METTL16: variants seen among roughly 807,000 people sequenced by gnomAD.
METTL16 encodes RNA N(6)-adenosine-methyltransferase METTL16.
In METTL16, 19 loss-of-function variants were observed where a neutral mutation model predicts 57.9. The ratio of observed to expected loss-of-function variants is 0.33; its 90% CI spans 0.23 to 0.48. METTL16 has a LOEUF of 0.48. METTL16 is among the 20% of genes least tolerant of loss of function. The pLI, the probability that METTL16 is intolerant of heterozygous loss-of-function variation, is 0.99. For synonymous variants in METTL16, 246 were observed against 255.6 expected (o/e 0.96, Z 0.36); for missense variants, 434 against 691.5 (o/e 0.63, Z 4.18).
intron 6 of METTL16, chr17:2,460,170 TCTTC>T (rs1427541593): frequency 6.6e-6 from 1 of 152,164 alleles, no homozygotes; most frequent in Non-Finnish European, 1.5e-5. Context: ...TCACTTCATT[TCTTC>T]CTTTCTTTCA....
chr17:2,485,799 G>T (rs774366455), intron 2 of METTL16, among the ~76,000 whole-genome samples: 1 of 152,138 alleles, frequency 6.6e-6, no homozygotes, highest in Admixed American at 6.6e-5. Context: ...CGGAGGATAG[G>T]TATTATCCAG....
intron 6 of METTL16, among the ~76,000 whole-genome samples, chr17:2,461,217 C>A (rs941969848): frequency 6.6e-6 from 1 of 151,838 alleles, no homozygotes; most frequent in Non-Finnish European, 1.5e-5. Context: ...CTTAGCCAGG[C>A]GTGGTGGCGC....
chr17:2,502,148 C>A (rs942192441), intron 2 of METTL16, 56 bp downstream of exon 2: 4 of 1,576,982 alleles, frequency 2.5e-6, no homozygotes, highest in Admixed American at 1.7e-5. Flanking sequence ...CTTTCTATTA[C>A]ATCATATCCA....
At chr17:2,505,976 CT>C (rs76896497) in intron 1 of METTL16, among the ~76,000 whole-genome samples, 8 of 149,526 alleles carry the variant, frequency 5.4e-5, no homozygotes, top group East Asian at 2.0e-4. Context: ...GCAGGCTATT[CT>C]TTTTTTTTTG....
chr17:2,442,463 G>C (rs1432376535), intron 6 of METTL16, among the ~76,000 whole-genome samples: 1 of 148,816 alleles, frequency 6.7e-6, no homozygotes, highest in Non-Finnish European at 1.5e-5. Context: ...AAATTAACAA[G>C]AGCAAATGAA....
At chr17:2,511,481 A>T (rs1421276661) in intron 1 of METTL16, among the ~76,000 whole-genome samples, 1 of 151,942 alleles carries the variant, frequency 6.6e-6, no homozygotes, top group African/African-American at 2.4e-5. Context: ...TTATCAGCTC[A>T]GTTTGTCTTC....
intron 6 of METTL16, among the ~76,000 whole-genome samples, chr17:2,462,480 C>T (rs1416765555): frequency 2.0e-5 from 3 of 152,292 alleles, no homozygotes; most frequent in East Asian, 3.9e-4. Flanking sequence ...TGTGTCCCCG[C>T]CCAAATCTCA....
intron 1 of METTL16, among the ~76,000 whole-genome samples, chr17:2,506,717 G>A (rs1160161539): frequency 2.0e-5 from 3 of 152,150 alleles, no homozygotes; most frequent in Admixed American, 1.3e-4. Context: ...CCCCGTCTGG[G>A]AAGTGAGGAG....
intron 6 of METTL16, among the ~76,000 whole-genome samples, chr17:2,456,726 T>G (rs1309553682): frequency 6.6e-6 from 1 of 152,138 alleles, no homozygotes; most frequent in East Asian, 1.9e-4. Context: ...GCCTCAGGTT[T>G]GCAAAGTGCT....
At chr17:2,482,954 T>C (rs2067317483) in intron 2 of METTL16, among the ~76,000 whole-genome samples, 1 of 148,718 alleles carries the variant, frequency 6.7e-6, no homozygotes, top group African/African-American at 2.5e-5. Flanking sequence ...AGAATGAAGA[T>C]AAATAATATA....
intron 8 of METTL16, among the ~76,000 whole-genome samples, chr17:2,435,543 G>A (rs2066903115): frequency 6.6e-6 from 1 of 152,206 alleles, no homozygotes; most frequent in African/African-American, 2.4e-5. Flanking sequence ...CCGATCAAGG[G>A]CAGCAGTGCT....
chr17:2,440,994 A>AAAG (rs56938960), intron 7 of METTL16, among the ~76,000 whole-genome samples: 9,972 of 117,460 alleles, frequency 0.085, 775 homozygotes, highest in African/African-American at 0.24. Flanking sequence ...AAAAAAAAAA[A>AAAG]AAGAAGAAGA....
intron 4 of METTL16, among the ~76,000 whole-genome samples, chr17:2,469,677 A>G (rs2067224112): frequency 6.6e-6 from 1 of 152,172 alleles, no homozygotes; most frequent in South Asian, 2.1e-4. Flanking sequence ...GATGCCCATC[A>G]CCACGCCTGG....
intron 8 of METTL16, among the ~76,000 whole-genome samples, chr17:2,437,623 C>T (rs1024900817): frequency 1.3e-5 from 2 of 152,156 alleles, no homozygotes; most frequent in African/African-American, 4.8e-5. Context: ...ACAATCTCAG[C>T]TCACCGCAAC....
At chr17:2,427,941 C>T (rs2066831545) in intron 8 of METTL16, among the ~76,000 whole-genome samples, 1 of 107,578 alleles carries the variant, frequency 9.3e-6, no homozygotes, top group Non-Finnish European at 1.8e-5. Context: ...TGGCAAAACT[C>T]CATCTTTACC....
chr17:2,446,774 G>A lies in METTL16; in HGVS notation c.729-5215C>T, dbSNP rs2066999594. On this transcript the variant is annotated intron_variant, in intron 6 of 9. Transcript: ENST00000263092. ...CTCGTTTTTTTTTTGGTGGAGACGG[G>A]GTTTTGCTGTGTTGGCCGGGCTGGT... Among the ~76,000 whole-genome samples the A allele has an allele frequency of 2.6e-5, 4 of 152,132 alleles. No individual in the cohort carries two copies. In the South Asian group the frequency reaches 8.3e-4, roughly 31 times the overall value.
intron 2 of METTL16, among the ~76,000 whole-genome samples, chr17:2,481,200 C>G (rs577273375): frequency 6.8e-6 from 1 of 146,606 alleles, no homozygotes; most frequent in South Asian, 2.2e-4. Flanking sequence ...AGAGTGAGAC[C>G]ATGTTTCAGA....
intron 1 of METTL16, among the ~76,000 whole-genome samples, chr17:2,511,361 A>G (rs751265034): frequency 2.6e-5 from 4 of 152,048 alleles, no homozygotes; most frequent in Non-Finnish European, 4.4e-5. Flanking sequence ...TTCTTTCTGC[A>G]CAGATCCCTC....
At chr17:2,463,520 G>A (rs985715795) in intron 6 of METTL16, among the ~76,000 whole-genome samples, 1 of 152,032 alleles carries the variant, frequency 6.6e-6, no homozygotes, top group African/African-American at 2.4e-5. Flanking sequence ...GGAGCGCAGT[G>A]GCATGATCTC....
Sources: gnomAD v4.1 joint callset for allele counts (sites outside exome capture counted in the v4.1 genomes callset) on GRCh38, gnomAD v4.1.1 for gene constraint, MANE v1.5 for transcripts, NCBI Gene and HGNC (gene_info 2026-07-23, HGNC 2026-07-21) for gene names.